SCLT1: variants seen among roughly 807,000 people sequenced by gnomAD.
The protein encoded by SCLT1 is sodium channel-associated protein 1.
In SCLT1, 78 loss-of-function variants were observed where a neutral mutation model predicts 112.8. The ratio of observed to expected loss-of-function variants is 0.69; its 90% CI spans 0.58 to 0.83. The LOEUF (loss-of-function observed/expected upper bound fraction) is 0.83, where lower values mean the gene tolerates loss of function less well. SCLT1 is among the 40% of genes least tolerant of loss of function. The pLI is 0.00. For missense variants in SCLT1, 747 were observed against 770.4 expected, an observed-to-expected ratio of 0.97 and a Z score of 0.36; for synonymous variants, 257 against 254.7, an observed-to-expected ratio of 1.01 and a Z score of -0.09.
intron 5 of SCLT1, among the ~76,000 whole-genome samples, chr4:129,027,479 C>T (rs1355546882): frequency 6.6e-6 from 1 of 152,182 alleles, no homozygotes; most frequent in Non-Finnish European, 1.5e-5. Flanking sequence ...TTCAACAACG[C>T]TTCATGCCAA....
chr4:128,873,523 T>C (rs902161482), intron 5 of SCLT1: 1 of 152,746 alleles, frequency 6.5e-6, no homozygotes, highest in African/African-American at 2.4e-5. Context: ...AAATTTAGCA[T>C]TAAATTTGAG....
At chr4:128,906,442 C>T (rs775186613) in intron 18 of SCLT1, among the ~76,000 whole-genome samples, 31 of 152,148 alleles carry the variant, frequency 2.0e-4, no homozygotes, top group Non-Finnish European at 4.1e-4. Flanking sequence ...TCGTGATCCG[C>T]CCGCTTCGGC....
chr4:129,001,593 A>G (rs1358331020), intron 6 of SCLT1, among the ~76,000 whole-genome samples: 1 of 152,058 alleles, frequency 6.6e-6, no homozygotes, highest in Non-Finnish European at 1.5e-5. Flanking sequence ...GTCATCATCT[A>G]ATTACTGGAT....
At chr4:128,990,486 A>G (rs982737442) in intron 9 of SCLT1, among the ~76,000 whole-genome samples, 1 of 151,926 alleles carries the variant, frequency 6.6e-6, no homozygotes, top group East Asian at 1.9e-4. Flanking sequence ...GGGTAATATC[A>G]TACTGAATGG....
At chr4:128,997,078 T>C (rs188695191) in intron 8 of SCLT1, 294 of 152,124 alleles carry the variant, frequency 1.9e-3, no homozygotes, top group African/African-American at 6.8e-3. Flanking sequence ...AAGTATAATA[T>C]AGTATCAAAA....
At chr4:129,062,679 CT>C (rs201944840) in intron 2 of SCLT1, among the ~76,000 whole-genome samples, 1 of 151,506 alleles carries the variant, frequency 6.6e-6, no homozygotes, top group African/African-American at 2.4e-5. Context: ...TCTTGGTTGA[CT>C]TTTTTTTTCT....
In SCLT1 at chr4:128,959,795, C is replaced by T. The variant is rs1329587775; in HGVS notation, c.870-18G>A. On this transcript the variant is annotated intron_variant, in intron 11 of 20. Coordinates refer to ENST00000281142, the MANE Select transcript of SCLT1 (RefSeq NM_144643.4). Reference sequence around the variant, plus strand: ...CACATAATCTAGAAATCAATAATTACACTGGGAAAGTTAAACTTTTTTAAA... The same window carrying T: ...CACATAATCTAGAAATCAATAATTATACTGGGAAAGTTAAACTTTTTTAAA... The T allele has an allele frequency of 6.2e-7, 1 of 1,604,358 alleles. No individual in the cohort carries two copies. The highest frequency in any genetic ancestry group is 1.3e-5 in the African/African-American group (1 of 74,460).
intron 10 of SCLT1, among the ~76,000 whole-genome samples, 188 bp from the exon 11 acceptor site, chr4:128,965,506 A>G (rs558178912): frequency 2.0e-5 from 3 of 152,238 alleles, no homozygotes; most frequent in Non-Finnish European, 2.9e-5. Flanking sequence ...GGAGAACTTC[A>G]TCATCAATCC....
At chr4:128,901,471 T>C (rs568636232) in intron 18 of SCLT1, among the ~76,000 whole-genome samples, 3 of 141,754 alleles carry the variant, frequency 2.1e-5, no homozygotes, top group African/African-American at 7.8e-5. Context: ...AATTGAACAA[T>C]GAGAACACAG....
At chr4:128,899,103 G>A (rs1301505298) in intron 18 of SCLT1, among the ~76,000 whole-genome samples, 1 of 152,158 alleles carries the variant, frequency 6.6e-6, no homozygotes, top group Non-Finnish European at 1.5e-5. Context: ...GTACAAGGAG[G>A]AGCTGGTACC....
At chr4:128,959,415 T>A (rs1007192550) in intron 12 of SCLT1, among the ~76,000 whole-genome samples, 185 bp downstream of exon 12, 7 of 152,096 alleles carry the variant, frequency 4.6e-5, no homozygotes, top group African/African-American at 1.7e-4. Context: ...TAGAAAAGAA[T>A]TGATGTTTTA....
At chr4:129,022,745 TC>T (rs1745606752) in intron 5 of SCLT1, among the ~76,000 whole-genome samples, 1 of 152,068 alleles carries the variant, frequency 6.6e-6, no homozygotes, top group African/African-American at 2.4e-5. Context: ...CAGGAGAACT[TC>T]CCCAACCTAG....
chr4:129,027,718 G>A (rs1018034354), intron 5 of SCLT1, among the ~76,000 whole-genome samples: 1 of 152,122 alleles, frequency 6.6e-6, no homozygotes, highest in Non-Finnish European at 1.5e-5. Flanking sequence ...ATTCAATTAG[G>A]AAAAGAGGCA....
rs1732719461 is a variant in SCLT1, at chr4:128,884,056, T to A, written c.*421A>T. 6.5e-6 allele frequency: 1 copy of A among 154,078 alleles called. No individual in the cohort carries two copies. The highest frequency in any genetic ancestry group is 1.9e-4 in the East Asian group (1 of 5,244). The allele number at this position is 154,078 out of a possible 1,614,324, so 9.5% of individuals were successfully genotyped here. ...TAATAAAATGGATACTTAGGAACTT[T>A]AAAAATGAGTTAGAAGTAACAATTA... is the stretch of plus-strand genomic sequence containing the variant. On this transcript the variant is annotated 3_prime_UTR_variant, in exon 21 of 21. Coordinates refer to ENST00000281142, the MANE Select transcript of SCLT1 (RefSeq NM_144643.4).
rs570000341 is a variant in SCLT1, at chr4:129,007,106, G to T, written c.291-3230C>A. Among the ~76,000 whole-genome samples, 12 of 152,188 alleles carry T rather than the reference G, an allele frequency of 7.9e-5. No homozygotes were observed. The South Asian group carries it at 2.5e-3, about 32-fold the overall frequency. The stretch of plus-strand genomic sequence containing the variant: ...TAGCATAATTTTCACTGTCATCAAA[G>T]AACATAATCTGAATAATTTCAATCC... On this transcript the variant is annotated intron_variant, in intron 5 of 20. Transcript: ENST00000281142.
chr4:129,078,146 C>G (rs72926070), intron 2 of SCLT1, among the ~76,000 whole-genome samples: 2,190 of 152,266 alleles, frequency 0.014, 47 homozygotes, highest in African/African-American at 0.044. Context: ...GTTAGCTTCA[C>G]AAAAGTAAAG....
chr4:129,027,249 A>C (rs1253326505), intron 5 of SCLT1, among the ~76,000 whole-genome samples: 1 of 152,212 alleles, frequency 6.6e-6, no homozygotes, highest in Non-Finnish European at 1.5e-5. Context: ...ACACAACCAA[A>C]AAAGAGAATT....
chr4:129,013,261 G>A lies in SCLT1; in HGVS notation c.291-9385C>T, dbSNP rs553156684. Among the ~76,000 whole-genome samples the A allele has an allele frequency of 4.6e-5, 7 of 152,088 alleles. 1 individual carries two copies. In the South Asian group the frequency reaches 1.2e-3, roughly 27 times the overall value. ...GCGGTATTTGGTTTTCTGTTCCTGC[G>A]TTAGTTTGCTAAGGTTGTGCCTTTT... On this transcript the variant is annotated intron_variant, in intron 5 of 20. Transcript: ENST00000281142.
chr4:129,017,890 A>G (rs1051570260), intron 5 of SCLT1, among the ~76,000 whole-genome samples: 3 of 152,224 alleles, frequency 2.0e-5, no homozygotes, highest in East Asian at 1.9e-4. Context: ...TAAGTTCTGG[A>G]AAAAAAGTCA....
Sources: allele counts gnomAD v4.1 joint callset (sites outside exome capture counted in the v4.1 genomes callset), GRCh38; gene constraint gnomAD v4.1.1; transcripts MANE v1.5; gene names NCBI Gene and HGNC (gene_info 2026-07-23, HGNC 2026-07-21).